The following MYO1C variants were observed in gnomAD, a reference collection of about 807,000 sequenced individuals.
MYO1C encodes the protein unconventional myosin-Ic.
In MYO1C, 104 loss-of-function variants were observed where a neutral mutation model predicts 150.8. The ratio of observed to expected loss-of-function variants is 0.69; its 90% CI spans 0.59 to 0.81. The LOEUF is 0.81. Among genes scored for constraint, MYO1C ranks in the 30% least tolerant of loss-of-function variants. The pLI, the probability that MYO1C is intolerant of heterozygous loss-of-function variation, is 0.00. For synonymous variants in MYO1C, 663 were observed against 579.9 expected (o/e 1.14, Z -2.06); for missense variants, 1,504 against 1,435.0 (o/e 1.05, Z -0.78).
chr17:1,472,165 C>G lies in MYO1C; in HGVS notation c.1861G>C (p.Ala621Pro). The G allele has an allele frequency of 6.2e-7, 1 of 1,614,128 alleles. No homozygotes were observed. The highest frequency in any genetic ancestry group is 8.5e-7 in the Non-Finnish European group (1 of 1,180,004). ...TTGGGTTTGATGCAGCGGACGTAGGCGGGCTCCTTAGACTGCAGGATCTCC... is the reference window on the plus strand; with the variant it reads ...TTGGGTTTGATGCAGCGGACGTAGGGGGGCTCCTTAGACTGCAGGATCTCC... ...LVEILQSKEP[A>P]YVRCIKPNDA... Residue 621 changes from alanine (A) to proline (P), a missense_variant, in exon 18 of 32, where the codon GCC (alanine) becomes CCC (proline). Physicochemically the swap from Ala to Pro is conservative, Grantham distance 27. Transcript: ENST00000648651.
rs1262451117 is a variant in MYO1C at position 1,479,589 on chromosome 17, C to A, written c.1020+3G>T. On this transcript the variant is annotated splice_donor_region_variant and intron_variant, in intron 8 of 31. Transcript: ENST00000648651. This position sits in a 1 kb window ranked among gnomAD's most constrained non-coding sequence, Gnocchi z 4.2. ...CCCGTCGCCCTCTGCCCGCCCCACTCACCCTGGTCAGATACTTGAGCTGGT... is the reference window on the plus strand; with the variant it reads ...CCCGTCGCCCTCTGCCCGCCCCACTAACCCTGGTCAGATACTTGAGCTGGT... 2 of 1,602,652 alleles carry A rather than the reference C, an allele frequency of 1.2e-6. No homozygotes were observed. Among genetic ancestry groups the A allele is most frequent in the East Asian group, 2.2e-5 (1 of 44,808 alleles).
Position 1,471,301 on chromosome 17 carries a change from C to A in MYO1C, c.2057G>T (p.Trp686Leu). The change falls in exon 20 of 32, where the codon TGG (tryptophan) becomes TTG (leucine). Residue 686 changes from tryptophan to leucine, a missense_variant. By Grantham distance (61) the Trp-to-Leu change is moderately conservative. Transcript: ENST00000648651. The stretch of plus-strand genomic sequence containing the variant: ...CACCCCATCCTGCGGCCGTCCTGCC[C>A]ACGTGGGCCACGTCTCTGGGCACAG... ...KSLCPETWPTWAGRPQDGVAV... is the reference protein window; with the variant it reads ...KSLCPETWPTLAGRPQDGVAV... 1 of 1,613,964 alleles carries A rather than the reference C, an allele frequency of 6.2e-7. No homozygotes were observed. Among genetic ancestry groups the A allele is most frequent in the Non-Finnish European group, 8.5e-7 (1 of 1,180,012 alleles).
chr17:1,492,386 C>A (rs759260650), intron 1 of MYO1C, 27 bp downstream of exon 1: 1 of 1,583,814 alleles, frequency 6.3e-7, no homozygotes, highest in African/African-American at 1.3e-5. Context: ...TCCCACCCTC[C>A]TCCCAGCCCA....
chr17:1,469,494 C>G (rs537488141), intron 25 of MYO1C, 37 bp downstream of exon 25: 8 of 1,513,616 alleles, frequency 5.3e-6, no homozygotes, highest in Non-Finnish European at 7.2e-6. Context: ...CTCCCTGACT[C>G]CACTTCCTCA....
intron 1 of MYO1C, chr17:1,491,683 G>T (rs2074736788): frequency 2.0e-6 from 2 of 978,056 alleles, no homozygotes; most frequent in African/African-American, 3.5e-5. Flanking sequence ...CACTCTCCCC[G>T]CCCAGGGCCC....
At position 1,479,453 on chromosome 17, in the gene MYO1C, T is replaced by G; in HGVS notation, c.1070A>C (p.Lys357Thr). 6.7e-7 allele frequency: 1 copy of G among 1,501,324 alleles called. No individual in the cohort carries two copies. The highest frequency in any genetic ancestry group is 9.1e-7 in the Non-Finnish European group (1 of 1,104,068). The allele number at this position is 1,501,324 out of a possible 1,614,324, so 93.0% of individuals were successfully genotyped here. The change falls in exon 9 of 32, where the codon AAG (lysine) becomes ACG (threonine). Residue 357 changes from lysine to threonine, a missense_variant. Transcript: ENST00000648651. The surrounding 1 kb of genome is among the most constrained non-coding windows in gnomAD (Gnocchi z 4.2). ...STLREALTHR[K>T]IIAKGEELLS... ...CACCTCCTCCCCCTTGGCGATGATC[T>G]TCCTGTGTGTCAGGGCTTCTCGCAG...
At chr17:1,488,879 C>A (rs1320618182) in intron 1 of MYO1C, among the ~76,000 whole-genome samples, 1 of 152,166 alleles carries the variant, frequency 6.6e-6, no homozygotes, top group Non-Finnish European at 1.5e-5. Context: ...ACTGGAACCA[C>A]AGGGGATGGG....
chr17:1,468,052 G>A lies in MYO1C; in HGVS notation c.2832C>T (p.Pro944=). Reference sequence around the variant, plus strand: ...CGTCCTCCACGATGACGACGGCGTTGGGCGTGAGCAGCAGCTGCCGGGAGC... The same window carrying A: ...CGTCCTCCACGATGACGACGGCGTTAGGCGTGAGCAGCAGCTGCCGGGAGC... The part of the protein sequence containing the change: ...KPRSRQLLLT[P]NAVVIVEDAK... The change falls in exon 28 of 32, where the codon CCC becomes CCT. Residue 944 remains proline, a synonymous_variant. Coordinates refer to ENST00000648651, the MANE Select transcript of MYO1C (RefSeq NM_001080779.2). The A allele has an allele frequency of 6.2e-7, 1 of 1,613,264 alleles. No individual in the cohort carries two copies. Among genetic ancestry groups the A allele is most frequent in the Non-Finnish European group, 8.5e-7 (1 of 1,179,938 alleles).
chr17:1,483,565 G>T, intron 3 of MYO1C, 45 bp downstream of exon 3: 2 of 1,442,196 alleles, frequency 1.4e-6, no homozygotes, highest in Non-Finnish European at 1.9e-6. Flanking sequence ...GGTCACCTCA[G>T]ATGGAGACAG....
chr17:1,466,053 T>C (rs1002592010), intron 31 of MYO1C, among the ~76,000 whole-genome samples: 42 of 151,726 alleles, frequency 2.8e-4, no homozygotes, highest in Non-Finnish European at 4.6e-4. Context: ...CTGACTCCCA[T>C]AGGAATGCCC....
chr17:1,473,157 G>A (rs1007246333), intron 17 of MYO1C, among the ~76,000 whole-genome samples: 18 of 152,308 alleles, frequency 1.2e-4, no homozygotes, highest in Non-Finnish European at 4.4e-5. Context: ...CCGAGATCGC[G>A]CCACTGCACT....
intron 24 of MYO1C, 105 bp downstream of exon 24, chr17:1,470,070 G>A (rs1482069137): frequency 1.7e-6 from 2 of 1,211,450 alleles, no homozygotes; most frequent in East Asian, 2.5e-5. Context: ...GCTCTGGTCC[G>A]GGCCCTCCGT....
chr17:1,485,361 C>CTGGGGCGTCACTCAGGGCCCGGCT, intron 1 of MYO1C: 2 of 1,087,322 alleles, frequency 1.8e-6, no homozygotes, highest in East Asian at 8.0e-5. Flanking sequence ...GATTTCTGGC[C>CTGGGGCGTCACTCAGGGCCCGGCT]GGGGGCCTGC....
intron 5 of MYO1C, 100 bp from the exon 6 acceptor site, chr17:1,480,985 C>G: frequency 2.2e-6 from 3 of 1,354,514 alleles, no homozygotes; most frequent in East Asian, 2.3e-5. Context: ...GCAGCCAGAC[C>G]TGGATGCCAA....
chr17:1,491,730 C>A (rs2074737552), intron 1 of MYO1C: 12 of 816,980 alleles, frequency 1.5e-5, no homozygotes, highest in Admixed American at 1.3e-4. Context: ...TCATCCCGGG[C>A]AGGGCCGCGC....
At position 1,482,562 on chromosome 17, in the gene MYO1C, G is replaced by A. The variant is rs2074544531; in HGVS notation, c.547-4C>T. On this transcript the variant is annotated splice_region_variant and splice_polypyrimidine_tract_variant and intron_variant, in intron 4 of 31. Transcript: ENST00000648651. ...GGGTCTTGGCATTTCCAAAGGCCTA[G>A]GAGTGGACAGGGGTATGAGGGACAC... The A allele has an allele frequency of 6.2e-7, 1 of 1,613,344 alleles. No individual in the cohort carries two copies.
rs2074277444 is a variant in MYO1C, at chr17:1,470,444, G to A, written c.2357C>T (p.Thr786Ile). ...GCACCCTGGCGCTCACCGCCGGATG[G>A]TCTGTGCCGCCCACTTCCTCTTGGC... ...KAAKRKWAAQ[T>I]IRRLIRGFVL... Residue 786 changes from threonine (T) to isoleucine (I), a missense_variant, in exon 23 of 32, where the codon ACC becomes ATC. Physicochemically the swap from Thr to Ile is moderately conservative, Grantham distance 89 (BLOSUM62 -1). Transcript: ENST00000648651. 4 of 1,550,582 alleles carry A rather than the reference G, an allele frequency of 2.6e-6. No homozygotes were observed. Among genetic ancestry groups the A allele is most frequent in the Non-Finnish European group, 3.5e-6 (4 of 1,147,064 alleles).
In MYO1C at chr17:1,470,340, G is replaced by C; in HGVS notation, c.2367-6C>G. 6.5e-7 allele frequency: 1 copy of C among 1,540,798 alleles called. No homozygotes were observed. The highest frequency in any genetic ancestry group is 8.8e-7 in the Non-Finnish European group (1 of 1,138,886). On this transcript the variant is annotated splice_region_variant and splice_polypyrimidine_tract_variant and intron_variant, in intron 23 of 31. Coordinates refer to ENST00000648651, the MANE Select transcript of MYO1C (RefSeq NM_001080779.2). ...GGACGAAGCCTCGGATGAGCCTGGG[G>C]TGGGGGGCCAGACAGGGTTGGGGGT... is the stretch of plus-strand genomic sequence containing the variant.
At chr17:1,475,368 G>A (rs1208646847) in intron 14 of MYO1C, among the ~76,000 whole-genome samples, 7 of 151,988 alleles carry the variant, frequency 4.6e-5, no homozygotes, top group East Asian at 3.9e-4. Context: ...GCAGTGAGCC[G>A]AGATGGTGCC....
Sources: gnomAD v4.1 joint callset for allele counts (sites outside exome capture counted in the v4.1 genomes callset) on GRCh38, gnomAD v4.1.1 for gene constraint, Gnocchi (gnomAD v3.1) non-coding constraint, MANE v1.5 for transcripts, NCBI Gene and HGNC (gene_info 2026-07-23, HGNC 2026-07-21) for gene names.